Variants in CNBD1 observed in about 807,000 individuals in gnomAD.
CNBD1 encodes cyclic nucleotide-binding domain-containing protein 1.
Under a neutral mutation model 54.4 loss-of-function variants are expected in CNBD1, and 71 were observed. The observed-to-expected ratio is 1.30, with a 90% CI of 1.08 to 1.59. The LOEUF (loss-of-function observed/expected upper bound fraction) is 1.59. Ranked by LOEUF, CNBD1 falls within the 40% of genes most tolerant of loss-of-function variation. The probability of loss-of-function intolerance (pLI) is 0.00; values close to 1 mark genes in which losing one functional copy is unlikely to be tolerated. For synonymous variants in CNBD1, 182 were observed against 170.7 expected, an observed-to-expected ratio of 1.07 and a Z score of -0.51; for missense variants, 659 against 518.0, an observed-to-expected ratio of 1.27 and a Z score of -2.64.
intron 4 of CNBD1, among the ~76,000 whole-genome samples, chr8:87,012,017 A>G (rs543666531): frequency 5.9e-5 from 9 of 152,316 alleles, no homozygotes; most frequent in African/African-American, 2.2e-4. Flanking sequence ...ATCCTACTAT[A>G]AATAAAATGA....
chr8:87,423,803 G>A (rs1807990119), intron 2 of CNBD1, among the ~76,000 whole-genome samples: 1 of 152,116 alleles, frequency 6.6e-6, no homozygotes, highest in Admixed American at 6.5e-5. Flanking sequence ...AATGAGTTAG[G>A]GAGGATTCCC....
intron 4 of CNBD1, among the ~76,000 whole-genome samples, chr8:87,146,262 T>G (rs1812485282): frequency 1.3e-5 from 2 of 152,134 alleles, no homozygotes; most frequent in African/African-American, 4.8e-5. Context: ...ACAAATAAAA[T>G]TGTTATGACT....
chr8:87,379,840 A>G (rs1811038396), intron 10 of CNBD1, among the ~76,000 whole-genome samples: 3 of 152,140 alleles, frequency 2.0e-5, no homozygotes, highest in South Asian at 4.1e-4. Context: ...AAACACAGGT[A>G]TAATACATTA....
intron 4 of CNBD1, among the ~76,000 whole-genome samples, chr8:87,053,805 G>T (rs1810359495): frequency 6.6e-6 from 1 of 152,206 alleles, no homozygotes; most frequent in African/African-American, 2.4e-5. Context: ...CCCCCTAATG[G>T]AGGGAATGTT....
chr8:87,045,724 CAAA>C (rs58973406), intron 4 of CNBD1, among the ~76,000 whole-genome samples: 1 of 51,084 alleles, frequency 2.0e-5, no homozygotes, highest in Non-Finnish European at 3.8e-5. Flanking sequence ...GACTCCGTCT[CAAA>C]AAAAAAAAAA....
chr8:87,360,537 G>A (rs1810505135), intron 10 of CNBD1, among the ~76,000 whole-genome samples: 1 of 151,850 alleles, frequency 6.6e-6, no homozygotes. Context: ...CAGATGCAGA[G>A]CTTATTACTC....
chr8:87,083,599 T>C, intron 4 of CNBD1, among the ~76,000 whole-genome samples: 1 of 148,480 alleles, frequency 6.7e-6, no homozygotes, highest in Non-Finnish European at 1.5e-5. Context: ...TTTTTTTTTT[T>C]TTTTTTTGAG....
chr8:87,227,962 A>C (rs1232626172), intron 5 of CNBD1, among the ~76,000 whole-genome samples: 8 of 149,150 alleles, frequency 5.4e-5, no homozygotes, highest in South Asian at 2.1e-4. Context: ...TTTTCTCTAA[A>C]CTTCCCTTCT....
intron 4 of CNBD1, among the ~76,000 whole-genome samples, chr8:86,966,063 G>T (rs1808063577): frequency 6.6e-6 from 1 of 152,176 alleles, no homozygotes; most frequent in South Asian, 2.1e-4. Context: ...AGGGGAGGAA[G>T]TGCCTGCTGA....
intron 4 of CNBD1, among the ~76,000 whole-genome samples, chr8:87,088,364 T>C (rs759887114): frequency 1.2e-4 from 18 of 152,328 alleles, no homozygotes; most frequent in Middle Eastern, 3.4e-3. Flanking sequence ...TCCTGTGTGA[T>C]TGAGGAAAAT....
chr8:87,361,106 C>T (rs773975334), intron 10 of CNBD1, among the ~76,000 whole-genome samples: 1 of 151,756 alleles, frequency 6.6e-6, no homozygotes, highest in Non-Finnish European at 1.5e-5. Context: ...TCCCCTTTTG[C>T]GTTTTTGCAT....
At chr8:87,256,162 A>G (rs1808021581) in intron 6 of CNBD1, among the ~76,000 whole-genome samples, 1 of 149,212 alleles carries the variant, frequency 6.7e-6, no homozygotes, top group African/African-American at 2.5e-5. Context: ...GGCTGGGATT[A>G]CAGGCACACA....
Position 87,302,144 on chromosome 8 carries a change from A to C in CNBD1, c.1042+15473A>C, listed in dbSNP as rs1183634802. Among the ~76,000 whole-genome samples the C allele has an allele frequency of 7.9e-5, 12 of 152,136 alleles. No homozygotes were observed. The South Asian group carries it at 8.3e-4, about 11-fold the overall frequency. Reference sequence around the variant, plus strand: ...TCCTCCCTAACTCATTTTATGAGGCAAGCATCATCCTGATACCAAAGCCTG... The same window carrying C: ...TCCTCCCTAACTCATTTTATGAGGCCAGCATCATCCTGATACCAAAGCCTG... On this transcript the variant is annotated intron_variant, in intron 8 of 10. Transcript: ENST00000518476.
intron 3 of CNBD1, among the ~76,000 whole-genome samples, chr8:86,913,517 G>A (rs537475256): frequency 6.6e-6 from 1 of 152,226 alleles, no homozygotes; most frequent in Non-Finnish European, 1.5e-5. Context: ...TTAAAGCTGG[G>A]TGTCTGGGGG....
At chr8:87,213,452 G>T (rs1358378215) in intron 5 of CNBD1, among the ~76,000 whole-genome samples, 2 of 152,140 alleles carry the variant, frequency 1.3e-5, no homozygotes, top group Non-Finnish European at 2.9e-5. Context: ...GGAGAGTGAA[G>T]GGGAAGCAAG....
chr8:87,197,792 A>G (rs1160318322), intron 4 of CNBD1, among the ~76,000 whole-genome samples: 1 of 152,190 alleles, frequency 6.6e-6, no homozygotes, highest in Non-Finnish European at 1.5e-5. Context: ...AGTGACTTTA[A>G]TCTTTTCTGT....
At chr8:87,422,584 A>C (rs1807959875) in intron 2 of CNBD1, among the ~76,000 whole-genome samples, 1 of 152,116 alleles carries the variant, frequency 6.6e-6, no homozygotes, top group Non-Finnish European at 1.5e-5. Context: ...AGATAGTTGC[A>C]GATATGCGGC....
intron 3 of CNBD1, among the ~76,000 whole-genome samples, chr8:86,938,389 T>G (rs1439352677): frequency 6.6e-6 from 1 of 152,166 alleles, no homozygotes; most frequent in Non-Finnish European, 1.5e-5. Context: ...CACACTTTAC[T>G]GGTACCAATT....
chr8:86,983,159 G>T (rs565564813), intron 4 of CNBD1, among the ~76,000 whole-genome samples: 1 of 152,232 alleles, frequency 6.6e-6, no homozygotes, highest in South Asian at 2.1e-4. Flanking sequence ...CATGGGGGCA[G>T]GCTTTTCCTG....
Sources: allele counts gnomAD v4.1 joint callset (sites outside exome capture counted in the v4.1 genomes callset), GRCh38; gene constraint gnomAD v4.1.1; transcripts MANE v1.5; gene names NCBI Gene and HGNC (gene_info 2026-07-23, HGNC 2026-07-21).